CDH4: variants seen among roughly 807,000 people sequenced by gnomAD.
The protein encoded by CDH4 is cadherin 4, also known as cadherin-4.
CDH4 carries 33 observed loss-of-function variants against 86.0 expected under a neutral mutation model. That is an observed-to-expected ratio of 0.38 (90% CI 0.29 to 0.51). CDH4 has a LOEUF of 0.51. CDH4 is among the 20% of genes least tolerant of loss of function. The probability of loss-of-function intolerance (pLI) is 0.86; values close to 1 mark genes in which losing one functional copy is unlikely to be tolerated. For missense variants in CDH4, 1,114 were observed against 1,307.4 expected (o/e 0.85, Z 2.28); for synonymous variants, 555 against 549.4 (o/e 1.01, Z -0.14).
chr20:61,718,667 G>A (rs190522990), intron 2 of CDH4: 58 of 389,452 alleles, frequency 1.5e-4, no homozygotes, highest in East Asian at 2.9e-4. Flanking sequence ...AACTTGAACC[G>A]AAGCCAGAGG....
In CDH4 at chr20:61,501,911, C is replaced by T. The variant is rs927005333; in HGVS notation, c.170-241652C>T. On this transcript the variant is annotated intron_variant, in intron 2 of 15. Coordinates refer to ENST00000614565, the MANE Select transcript of CDH4 (RefSeq NM_001794.5). This position sits in a 1 kb window ranked among gnomAD's most constrained non-coding sequence, Gnocchi z 4.2. ...AACATGTTCTCCACTCCCCCAGCTC[C>T]TCTGAGGAATGCCTGAGTGAGGACC... is the stretch of plus-strand genomic sequence containing the variant. 3.9e-5 allele frequency among the ~76,000 whole-genome samples: 6 copies of T among 152,200 alleles called. No homozygotes were observed. The highest frequency in any genetic ancestry group is 1.4e-4 in the African/African-American group (6 of 41,442).
chr20:61,661,536 T>C (rs1310479234), intron 2 of CDH4, among the ~76,000 whole-genome samples: 2 of 151,540 alleles, frequency 1.3e-5, no homozygotes, highest in Admixed American at 1.3e-4. Flanking sequence ...GAAACTCTTC[T>C]TTTTTAATAG....
At chr20:61,770,548 C>T (rs1024454475) in intron 3 of CDH4, among the ~76,000 whole-genome samples, 48 of 152,332 alleles carry the variant, frequency 3.2e-4, no homozygotes, top group African/African-American at 9.6e-4. Context: ...GTTCTGTTGG[C>T]GCTGTCAGCC....
chr20:61,405,737 A>C (rs2085078114), intron 2 of CDH4, among the ~76,000 whole-genome samples: 1 of 151,182 alleles, frequency 6.6e-6, no homozygotes, highest in African/African-American at 2.4e-5. Flanking sequence ...TCTGTCACCC[A>C]GGCTGGAGTG....
rs908444906 is a variant in CDH4 at position 61,518,022 on chromosome 20, T to C, written c.170-225541T>C. Among the ~76,000 whole-genome samples, 6 of 150,538 alleles carry C rather than the reference T, an allele frequency of 4.0e-5. No homozygotes were observed. Among genetic ancestry groups the C allele is most frequent in the Non-Finnish European group, 1.5e-5 (1 of 67,764 alleles). On this transcript the variant is annotated intron_variant, in intron 2 of 15. Coordinates refer to ENST00000614565, the MANE Select transcript of CDH4 (RefSeq NM_001794.5). This position sits in a 1 kb window ranked among gnomAD's most constrained non-coding sequence, Gnocchi z 6.3. ...TGCCTCCCCGTGCGGGGAGGATGCCTCAGCCCAGGTTACCTGATCCCTTTT... is the reference window on the plus strand; with the variant it reads ...TGCCTCCCCGTGCGGGGAGGATGCCCCAGCCCAGGTTACCTGATCCCTTTT...
intron 6 of CDH4, among the ~76,000 whole-genome samples, chr20:61,872,464 G>A (rs1056430209): frequency 5.3e-5 from 8 of 152,190 alleles, no homozygotes; most frequent in South Asian, 4.1e-4. Flanking sequence ...TCATGCACAC[G>A]GGAACGAGCA....
chr20:61,547,051 C>T (rs2086092589), intron 2 of CDH4, among the ~76,000 whole-genome samples: 1 of 151,846 alleles, frequency 6.6e-6, no homozygotes, highest in Admixed American at 6.6e-5. Context: ...TGCCTCCCTC[C>T]CTTCTATATC....
chr20:61,268,349 G>A (rs988027842), intron 2 of CDH4, among the ~76,000 whole-genome samples: 2 of 152,264 alleles, frequency 1.3e-5, no homozygotes, highest in African/African-American at 4.8e-5. Flanking sequence ...AGAACCAGGA[G>A]GCAAAGCCAG....
intron 2 of CDH4, among the ~76,000 whole-genome samples, chr20:61,600,385 A>G (rs2086590669): frequency 6.6e-6 from 1 of 152,220 alleles, no homozygotes; most frequent in Admixed American, 6.5e-5. Flanking sequence ...GTGATTGAGG[A>G]CACAGGCTTC....
chr20:61,539,269 G>C (rs2086021420), intron 2 of CDH4, among the ~76,000 whole-genome samples: 1 of 152,198 alleles, frequency 6.6e-6, no homozygotes, highest in Admixed American at 6.5e-5. Context: ...TTCTTGCATG[G>C]GCCGTGTCCA....
At chr20:61,481,463 G>T (rs754653773) in intron 2 of CDH4, among the ~76,000 whole-genome samples, 3 of 152,200 alleles carry the variant, frequency 2.0e-5, no homozygotes, top group African/African-American at 4.8e-5. Flanking sequence ...TACAGCCCAG[G>T]CTTTATTTCT....
At chr20:61,412,311 C>A (rs142541915) in intron 2 of CDH4, among the ~76,000 whole-genome samples, 1 of 152,310 alleles carries the variant, frequency 6.6e-6, no homozygotes, top group East Asian at 1.9e-4. Flanking sequence ...TGTGCAGTCC[C>A]TCCCTGACCA....
At chr20:61,430,525 T>C (rs2085240796) in intron 2 of CDH4, among the ~76,000 whole-genome samples, 1 of 151,812 alleles carries the variant, frequency 6.6e-6, no homozygotes, top group Non-Finnish European at 1.5e-5. Flanking sequence ...AGCCACTGCT[T>C]GCTGGAATTG....
chr20:61,534,880 C>T (rs1168593642), intron 2 of CDH4, among the ~76,000 whole-genome samples: 3 of 142,712 alleles, frequency 2.1e-5, no homozygotes, highest in African/African-American at 5.3e-5. Context: ...GCCTGCTCAT[C>T]CTCAACCCGA....
chr20:61,906,494 C>T (rs1457643176), intron 8 of CDH4, among the ~76,000 whole-genome samples: 1 of 152,262 alleles, frequency 6.6e-6, no homozygotes, highest in Admixed American at 6.5e-5. Flanking sequence ...CCAGAAGCTA[C>T]AGAGGGCTGC....
chr20:61,382,427 G>A (rs2084908151), intron 2 of CDH4, among the ~76,000 whole-genome samples: 4 of 152,348 alleles, frequency 2.6e-5, no homozygotes, highest in Admixed American at 2.6e-4. Context: ...CCTGGCATGG[G>A]GGACCCCTGG....
rs369441824 is a variant in CDH4 at position 61,340,589 on chromosome 20, C to CT, written c.169+85664dup. On this transcript the variant is annotated intron_variant, in intron 2 of 15. Transcript: ENST00000614565. ...GTTTGTTTCTTTTATTTATATGTTT[C>CT]TTTTTTTTTTTTCAAGACAGTGTCT... Among the ~76,000 whole-genome samples the CT allele has an allele frequency of 4.5e-3, 649 of 144,826 alleles. 6 individuals are homozygous for CT. Among genetic ancestry groups the CT allele is most frequent in the African/African-American group, 0.013 (519 of 39,840 alleles).
chr20:61,657,220 A>G (rs922598817), intron 2 of CDH4, among the ~76,000 whole-genome samples: 3 of 152,162 alleles, frequency 2.0e-5, no homozygotes, highest in Non-Finnish European at 2.9e-5. Flanking sequence ...TTCTCATCCT[A>G]TCTCATGCAA....
rs532322206 is a variant in CDH4, at chr20:61,474,537, A to G, written c.169+219600A>G. Among the ~76,000 whole-genome samples, 5 of 152,050 alleles carry G rather than the reference A, an allele frequency of 3.3e-5. No homozygotes were observed. The South Asian group carries it at 1.0e-3, about 32-fold the overall frequency. ...GAAATGTAGTACCTTCGGGGTAGTAAATATCATTGATTCATGTGGGCTTGA... is the reference window on the plus strand; with the variant it reads ...GAAATGTAGTACCTTCGGGGTAGTAGATATCATTGATTCATGTGGGCTTGA... On this transcript the variant is annotated intron_variant, in intron 2 of 15. Transcript: ENST00000614565.
Sources: gnomAD v4.1 joint callset for allele counts (sites outside exome capture counted in the v4.1 genomes callset) on GRCh38, gnomAD v4.1.1 for gene constraint, Gnocchi (gnomAD v3.1) non-coding constraint, MANE v1.5 for transcripts, NCBI Gene and HGNC (gene_info 2026-07-23, HGNC 2026-07-21) for gene names.